MAGI1: variants seen among roughly 807,000 people sequenced by gnomAD.
MAGI1 encodes the protein membrane associated guanylate kinase, WW and PDZ domain containing 1, also known as membrane-associated guanylate kinase, WW and PDZ domain-containing protein 1.
A neutral mutation model predicts 139.9 loss-of-function variants in MAGI1; 58 were observed. The observed-to-expected ratio is 0.41, with a 90% CI of 0.34 to 0.52. The LOEUF is 0.52. MAGI1 is among the 20% of genes least tolerant of loss of function. The probability of loss-of-function intolerance (pLI) is 0.12; values close to 1 mark genes in which losing one functional copy is unlikely to be tolerated. For synonymous variants in MAGI1, 812 were observed against 737.9 expected (o/e 1.10, Z -1.63); for missense variants, 1,874 against 1,901.6 (o/e 0.99, Z 0.27).
At chr3:65,989,869 T>C (rs1560087803) in intron 1 of MAGI1, among the ~76,000 whole-genome samples, 1 of 148,574 alleles carries the variant, frequency 6.7e-6, no homozygotes, top group Non-Finnish European at 1.5e-5. Context: ...TATACAGTTG[T>C]TGTGTTCATT....
chr3:65,735,380 CAGG>C (rs111917927), intron 1 of MAGI1, among the ~76,000 whole-genome samples: 70,714 of 145,012 alleles, frequency 0.49, 17,601 homozygotes, highest in East Asian at 0.98. Context: ...TGTGTGTGTA[CAGG>C]AGATCAACAG....
At chr3:65,990,682 A>T (rs528494987) in intron 1 of MAGI1, among the ~76,000 whole-genome samples, 22 of 152,358 alleles carry the variant, frequency 1.4e-4, no homozygotes, top group Middle Eastern at 3.4e-3. Context: ...TGCTGACTAT[A>T]AAAACTTAGT....
At chr3:65,825,333 T>C (rs1052825040) in intron 1 of MAGI1, among the ~76,000 whole-genome samples, 4 of 152,216 alleles carry the variant, frequency 2.6e-5, no homozygotes, top group African/African-American at 4.8e-5. Context: ...AAATCAATTA[T>C]TTAAATACTT....
At chr3:65,663,355 C>T (rs979104667) in intron 1 of MAGI1, among the ~76,000 whole-genome samples, 1 of 152,156 alleles carries the variant, frequency 6.6e-6, no homozygotes, top group South Asian at 2.1e-4. Context: ...CTGTTCTTGC[C>T]TTCCTCTGGA....
chr3:65,462,645 T>C (rs2107542820), intron 5 of MAGI1, among the ~76,000 whole-genome samples: 1 of 152,356 alleles, frequency 6.6e-6, no homozygotes, highest in East Asian at 1.9e-4. Flanking sequence ...TTTTTTCTAA[T>C]TCTGTGAAGA....
chr3:65,381,553 G>T (rs913829284), intron 16 of MAGI1, among the ~76,000 whole-genome samples: 3 of 152,086 alleles, frequency 2.0e-5, no homozygotes, highest in South Asian at 4.1e-4. Context: ...CTTTCATAAT[G>T]ACCTCATTTG....
intron 2 of MAGI1, among the ~76,000 whole-genome samples, chr3:65,516,340 C>T (rs1029688987): frequency 2.0e-5 from 3 of 152,008 alleles, no homozygotes; most frequent in South Asian, 2.1e-4. Flanking sequence ...CCACCCCACC[C>T]GGCTAATTTC....
chr3:65,826,794 C>T (rs1327725606), intron 1 of MAGI1, among the ~76,000 whole-genome samples: 3 of 152,248 alleles, frequency 2.0e-5, no homozygotes, highest in Non-Finnish European at 2.9e-5. Context: ...ATGGAAAACA[C>T]GACTAACTTT....
intron 2 of MAGI1, among the ~76,000 whole-genome samples, chr3:65,540,826 T>C (rs2079174374): frequency 6.6e-6 from 1 of 152,154 alleles, no homozygotes; most frequent in African/African-American, 2.4e-5. Context: ...AATGCAGCCA[T>C]GTTGGTAAAA....
At chr3:65,389,884 G>C (rs1943763283) in intron 14 of MAGI1, among the ~76,000 whole-genome samples, 1 of 152,214 alleles carries the variant, frequency 6.6e-6, no homozygotes, top group Admixed American at 6.5e-5. Context: ...AGGAGGAAAA[G>C]GATGAAGCCC....
intron 1 of MAGI1, among the ~76,000 whole-genome samples, chr3:65,635,834 A>C (rs1161735747): frequency 6.6e-6 from 1 of 152,238 alleles, no homozygotes; most frequent in Non-Finnish European, 1.5e-5. Context: ...GACGTCATTC[A>C]TGCAACAGTT....
chr3:65,563,836 T>C (rs2080480357), intron 2 of MAGI1, among the ~76,000 whole-genome samples: 1 of 152,228 alleles, frequency 6.6e-6, no homozygotes, highest in Non-Finnish European at 1.5e-5. Flanking sequence ...CAATTGATAG[T>C]TACTGACTGC....
intron 14 of MAGI1, among the ~76,000 whole-genome samples, chr3:65,390,088 G>T (rs184714572): frequency 6.6e-6 from 1 of 152,166 alleles, no homozygotes; most frequent in East Asian, 1.9e-4. Context: ...AGCACAGCAT[G>T]GCCAAGTCTG....
intron 1 of MAGI1, among the ~76,000 whole-genome samples, chr3:65,724,285 TCTGTTTCATCTC>T (rs1233760553): frequency 1.3e-5 from 2 of 152,240 alleles, no homozygotes; most frequent in Non-Finnish European, 2.9e-5. Flanking sequence ...GATGTCTGAT[TCTGTTTCATCTC>T]TCAGGTTTTT....
At chr3:65,471,836 G>A (rs533965993) in intron 4 of MAGI1, among the ~76,000 whole-genome samples, 5 of 152,308 alleles carry the variant, frequency 3.3e-5, no homozygotes, top group South Asian at 2.1e-4. Flanking sequence ...AGAGGTGGTC[G>A]CTTGAGGCTG....
intron 1 of MAGI1, among the ~76,000 whole-genome samples, chr3:65,837,326 A>G (rs1424352731): frequency 6.6e-6 from 1 of 152,190 alleles, no homozygotes; most frequent in Non-Finnish European, 1.5e-5. Flanking sequence ...ACAGATGAGT[A>G]TCAACTTCAG....
rs545816211 is a variant in MAGI1, at chr3:65,727,209, T to G, written c.314-105121A>C. ...AGAACATGTTAAAAGAATATGATAC[T>G]GTTGTAATTCAACAACTTATCTGAC... On this transcript the variant is annotated intron_variant, in intron 1 of 22. Coordinates refer to ENST00000402939, the MANE Select transcript of MAGI1 (RefSeq NM_001033057.2). Among the ~76,000 whole-genome samples, 3 of 152,336 alleles carry G rather than the reference T, an allele frequency of 2.0e-5. No individual in the cohort carries two copies. In the South Asian group the frequency reaches 6.2e-4, roughly 32 times the overall value.
chr3:65,636,328 A>C (rs1294757975), intron 1 of MAGI1, among the ~76,000 whole-genome samples: 2 of 152,168 alleles, frequency 1.3e-5, no homozygotes, highest in Non-Finnish European at 2.9e-5. Context: ...TTTAGGGGAG[A>C]GAGTTCTAGG....
chr3:65,394,456 C>T (rs1415114383), intron 13 of MAGI1, among the ~76,000 whole-genome samples: 2 of 152,198 alleles, frequency 1.3e-5, no homozygotes, highest in East Asian at 3.9e-4. Context: ...CACCACTCAA[C>T]TATCTCTAAC....
Sources: gnomAD v4.1 joint callset for allele counts (sites outside exome capture counted in the v4.1 genomes callset) on GRCh38, gnomAD v4.1.1 for gene constraint, MANE v1.5 for transcripts, NCBI Gene and HGNC (gene_info 2026-07-23, HGNC 2026-07-21) for gene names.